Variants in UBE3C observed in about 807,000 individuals in gnomAD.
UBE3C encodes the protein ubiquitin-protein ligase E3C.
UBE3C carries 42 observed loss-of-function variants against 129.4 expected under a neutral mutation model. The observed-to-expected ratio is 0.32, with a 90% confidence interval of 0.25 to 0.42. The LOEUF (loss-of-function observed/expected upper bound fraction) is 0.42. Ranked by LOEUF, UBE3C falls within the 10% of genes least tolerant of loss-of-function variation. The pLI is 1.00. For missense variants in UBE3C, 1,049 were observed against 1,319.1 expected, an observed-to-expected ratio of 0.80 and a Z score of 3.17; for synonymous variants, 510 against 492.4, an observed-to-expected ratio of 1.04 and a Z score of -0.47.
rs947285265 is a variant in UBE3C at position 157,204,418 on chromosome 7, A to T, written c.1418+2611A>T. On this transcript the variant is annotated intron_variant, in intron 11 of 22. Coordinates refer to ENST00000348165, the MANE Select transcript of UBE3C (RefSeq NM_014671.3). ...TGTTTCAAAAAAAAAAAAAAAAAAAATTTCAGCTTCTCTGTTCCTGCCCTA... is the reference window on the plus strand; with the variant it reads ...TGTTTCAAAAAAAAAAAAAAAAAAATTTTCAGCTTCTCTGTTCCTGCCCTA... Among the ~76,000 whole-genome samples, 285 of 150,542 alleles carry T rather than the reference A, an allele frequency of 1.9e-3. 3 individuals are homozygous for T. The highest frequency in any genetic ancestry group is 6.2e-3 in the African/African-American group (256 of 41,042).
At chr7:157,230,705 AAAAAAAAAACCT>A (rs1259114748) in intron 17 of UBE3C, among the ~76,000 whole-genome samples, 57 of 129,040 alleles carry the variant, frequency 4.4e-4, no homozygotes, top group African/African-American at 1.2e-3. Flanking sequence ...AAAAAAAAAA[AAAAAAAAAACCT>A]CCTAATGTTT....
chr7:157,180,595 A>G (rs968948739), intron 6 of UBE3C, among the ~76,000 whole-genome samples: 2 of 152,242 alleles, frequency 1.3e-5, no homozygotes, highest in Non-Finnish European at 2.9e-5. Context: ...ACGCTTGTAT[A>G]TGATGAGATA....
At chr7:157,231,587 G>A (rs1796023221) in intron 18 of UBE3C, 1 of 453,226 alleles carries the variant, frequency 2.2e-6, no homozygotes, top group Non-Finnish European at 4.0e-6. Context: ...GAGGTGATTA[G>A]ATCATGTGAG....
intron 15 of UBE3C, chr7:157,222,419 T>TTTTC (rs760153153): frequency 5.9e-5 from 9 of 151,954 alleles, no homozygotes; most frequent in Admixed American, 2.0e-4. Flanking sequence ...TACTTTTTTT[T>TTTTC]TTTCTTTCTT....
chr7:157,258,420 G>A (rs931229279), intron 22 of UBE3C, among the ~76,000 whole-genome samples: 3 of 151,990 alleles, frequency 2.0e-5, no homozygotes, highest in Admixed American at 1.3e-4. Flanking sequence ...GTAATGTTAA[G>A]GTTTTTTGCT....
chr7:157,153,755 T>C (rs1186845594), intron 1 of UBE3C, among the ~76,000 whole-genome samples: 1 of 152,146 alleles, frequency 6.6e-6, no homozygotes, highest in Non-Finnish European at 1.5e-5. Context: ...GGCAGGCAGA[T>C]GCCTTGAGCC....
At chr7:157,218,802 G>C (rs1002124176) in intron 14 of UBE3C, among the ~76,000 whole-genome samples, 1 of 152,156 alleles carries the variant, frequency 6.6e-6, no homozygotes, top group African/African-American at 2.4e-5. Flanking sequence ...TTAGGAGCCT[G>C]TCTCTAGCTG....
chr7:157,265,672 A>AC (rs1288869998), intron 22 of UBE3C, among the ~76,000 whole-genome samples: 5 of 152,236 alleles, frequency 3.3e-5, no homozygotes, highest in Non-Finnish European at 5.9e-5. Flanking sequence ...AAAGCACGGC[A>AC]CGGAATACTG....
chr7:157,145,644 A>C (rs75126447), intron 1 of UBE3C, among the ~76,000 whole-genome samples: 2,468 of 152,334 alleles, frequency 0.016, 57 homozygotes, highest in African/African-American at 0.057. Context: ...TATAGTTGGA[A>C]TCATATACTA....
Position 157,163,751 on chromosome 7 carries a change from A to G in UBE3C, c.67-59A>G, listed in dbSNP as rs139139143. 2,241 of 1,556,326 alleles carry G rather than the reference A, an allele frequency of 1.4e-3. 32 individuals are homozygous for G. The highest frequency in any genetic ancestry group is 4.3e-3 in the Middle Eastern group (25 of 5,798). On this transcript the variant is annotated intron_variant, in intron 1 of 22. Transcript: ENST00000348165. ...GGTGAAAACATTCTGTAATTTTTGTATGGGAGTTTTAAAATTGAAATTATA... is the reference window on the plus strand; with the variant it reads ...GGTGAAAACATTCTGTAATTTTTGTGTGGGAGTTTTAAAATTGAAATTATA...
At chr7:157,242,095 A>G (rs1489330993) in intron 18 of UBE3C, among the ~76,000 whole-genome samples, 1 of 152,212 alleles carries the variant, frequency 6.6e-6, no homozygotes, top group Non-Finnish European at 1.5e-5. Flanking sequence ...CAACTTTACG[A>G]ATATAATAAA....
At chr7:157,231,426 T>C in intron 18 of UBE3C, 99 bp downstream of exon 18, 1 of 1,518,454 alleles carries the variant, frequency 6.6e-7, no homozygotes, top group South Asian at 1.3e-5. Context: ...AAAATACTGT[T>C]TGTTTTAAAT....
chr7:157,167,698 G>A (rs369294698), intron 2 of UBE3C, among the ~76,000 whole-genome samples: 5 of 152,064 alleles, frequency 3.3e-5, no homozygotes, highest in East Asian at 2.0e-4. Flanking sequence ...CACCATGCCC[G>A]GCTAATTTTT....
intron 22 of UBE3C, among the ~76,000 whole-genome samples, chr7:157,258,367 C>A (rs1796810859): frequency 6.6e-6 from 1 of 152,170 alleles, no homozygotes. Flanking sequence ...TTAAGACCAA[C>A]CTGGGCAATG....
At chr7:157,170,555 C>A in intron 4 of UBE3C, 105 bp downstream of exon 4, 3 of 1,235,394 alleles carry the variant, frequency 2.4e-6, no homozygotes, top group African/African-American at 1.6e-5. Context: ...CTCTCCACTG[C>A]ATCCAGGCTT....
At chr7:157,153,535 C>T (rs951804752) in intron 1 of UBE3C, among the ~76,000 whole-genome samples, 6 of 152,114 alleles carry the variant, frequency 3.9e-5, no homozygotes, top group Admixed American at 2.6e-4. Flanking sequence ...TCAATTGATC[C>T]TCCCACCTTG....
At chr7:157,187,960 T>C (rs182907545) in intron 10 of UBE3C, among the ~76,000 whole-genome samples, 2 of 152,318 alleles carry the variant, frequency 1.3e-5, no homozygotes, top group African/African-American at 2.4e-5. Context: ...AAATAAACTT[T>C]TGGTTCAGAC....
chr7:157,208,954 G>A (rs772805244), intron 13 of UBE3C, among the ~76,000 whole-genome samples: 3 of 152,184 alleles, frequency 2.0e-5, no homozygotes, highest in African/African-American at 4.8e-5. Flanking sequence ...GCGACCTCTC[G>A]CACACTAATG....
chr7:157,224,361 A>C (rs1306444696), intron 16 of UBE3C, among the ~76,000 whole-genome samples: 52 of 151,786 alleles, frequency 3.4e-4, no homozygotes. Flanking sequence ...TGCCTGGCTA[A>C]TTTTTTGTAT....
Sources: gnomAD v4.1 joint callset for allele counts (sites outside exome capture counted in the v4.1 genomes callset) on GRCh38, gnomAD v4.1.1 for gene constraint, MANE v1.5 for transcripts, NCBI Gene and HGNC (gene_info 2026-07-23, HGNC 2026-07-21) for gene names.